The following LRP8 variants were observed in gnomAD, a reference collection of about 807,000 sequenced individuals.
The protein encoded by LRP8 is LDL receptor related protein 8, also known as low-density lipoprotein receptor-related protein 8.
In LRP8, 46 loss-of-function variants were observed where a neutral mutation model predicts 111.6. The ratio of observed to expected loss-of-function variants is 0.41; its 90% CI spans 0.33 to 0.53. The LOEUF is 0.53. Ranked by LOEUF, LRP8 falls within the 20% of genes least tolerant of loss-of-function variation. The pLI, the probability that LRP8 is intolerant of heterozygous loss-of-function variation, is 0.20. For missense variants in LRP8, 959 were observed against 1,297.4 expected (o/e 0.74, Z 4.01); for synonymous variants, 464 against 511.2 (o/e 0.91, Z 1.24).
At chr1:53,304,503 T>C (rs1342786962) in intron 2 of LRP8, 1 of 152,356 alleles carries the variant, frequency 6.6e-6, no homozygotes, top group Non-Finnish European at 1.5e-5. Flanking sequence ...AAGGCCAAGC[T>C]TCTGCTGACT....
chr1:53,316,431 A>G (rs1371651019), intron 2 of LRP8, among the ~76,000 whole-genome samples: 1 of 152,196 alleles, frequency 6.6e-6, no homozygotes, highest in Non-Finnish European at 1.5e-5. Flanking sequence ...AAAAATAAGT[A>G]GGTGTAAAAA....
Position 53,244,143 on chromosome 1 carries a change from C to T in LRP8, c.*2875G>A, listed in dbSNP as rs1645686010. 1 of 152,204 alleles carries T rather than the reference C, an allele frequency of 6.6e-6. No individual in the cohort carries two copies. Among genetic ancestry groups the T allele is most frequent in the Non-Finnish European group, 1.5e-5 (1 of 68,036 alleles). 9.4% of individuals were successfully genotyped at this position (152,204 alleles called of 1,614,324 possible). On this transcript the variant is annotated 3_prime_UTR_variant, in exon 19 of 19. Transcript: ENST00000306052. ...TATCAAGAGTAAATAAGTACAGTTT[C>T]GTTTTCTCTGTTTCTAGAAGGCATT... is the stretch of plus-strand genomic sequence containing the variant.
intron 9 of LRP8, 44 bp from the exon 10 acceptor site, chr1:53,264,440 A>G (rs755420170): frequency 2.9e-5 from 44 of 1,521,002 alleles, no homozygotes; most frequent in African/African-American, 1.5e-4. Context: ...TGTTCCACCC[A>G]TGGGCCCATC....
At chr1:53,304,787 G>A (rs910542917) in intron 2 of LRP8, among the ~76,000 whole-genome samples, 1 of 152,242 alleles carries the variant, frequency 6.6e-6, no homozygotes, top group Non-Finnish European at 1.5e-5. Flanking sequence ...TCCAACCAGA[G>A]CTGGGCAGAA....
intron 15 of LRP8, 34 bp downstream of exon 15, chr1:53,257,183 CTGGCTTCCCTAGGAGCCCTCCCA>C: frequency 6.5e-7 from 1 of 1,546,876 alleles, no homozygotes; most frequent in Non-Finnish European, 8.9e-7. Context: ...TACCCCCTTC[CTGGCTTCCCTAGGAGCCCTCCCA>C]TGTCATGAAA....
chr1:53,288,958 T>C (rs1314521262), intron 3 of LRP8, among the ~76,000 whole-genome samples: 4 of 151,762 alleles, frequency 2.6e-5, no homozygotes, highest in South Asian at 4.2e-4. Context: ...GGCCTCTACC[T>C]CCCCCTGCCT....
At chr1:53,291,774 A>C (rs753026546) in intron 2 of LRP8, 2 of 152,216 alleles carry the variant, frequency 1.3e-5, no homozygotes, top group Non-Finnish European at 2.9e-5. Context: ...ACATTAGATA[A>C]ATGAGTGAGC....
At chr1:53,319,860 G>A (rs1654275279) in intron 2 of LRP8, among the ~76,000 whole-genome samples, 1 of 152,244 alleles carries the variant, frequency 6.6e-6, no homozygotes, top group African/African-American at 2.4e-5. Context: ...GGCAAAGAGG[G>A]ACGCCTGGAA....
intron 3 of LRP8, among the ~76,000 whole-genome samples, chr1:53,284,729 A>T (rs1397667552): frequency 1.3e-5 from 2 of 152,214 alleles, no homozygotes; most frequent in East Asian, 3.8e-4. Context: ...GTGTCCCTAA[A>T]TAGACAGCTC....
chr1:53,280,618 C>T lies in LRP8; in HGVS notation c.465G>A (p.Glu155=). The change falls in exon 4 of 19, where the codon GAG becomes GAA. Residue 155 remains glutamate (E), a synonymous_variant. Coordinates refer to ENST00000306052, the MANE Select transcript of LRP8 (RefSeq NM_004631.5). ...CACAGCCGGCCTCATCCGCTCCACC[C>T]TCGCAGTCCTTCTCCCCGTCGCAGC... ...SWRCDGEKDC[E]GGADEAGCAT... 1 of 1,613,312 alleles carries T rather than the reference C, an allele frequency of 6.2e-7. No homozygotes were observed. The highest frequency in any genetic ancestry group is 8.5e-7 in the Non-Finnish European group (1 of 1,180,040).
In LRP8 at chr1:53,271,056, G is replaced by A. The variant is rs891258894; in HGVS notation, c.1224C>T (p.Asp408=). ...CAGCCTTGCAGTTCTTGGTCAGTAG[G>A]TCCATCTCGTAGCCAGGGTAGCACT... ...KCECYPGYEM[D]LLTKNCKAAA... The change falls in exon 8 of 19, where the codon GAC becomes GAT. Residue 408 remains aspartate, a synonymous_variant. Coordinates refer to ENST00000306052, the MANE Select transcript of LRP8 (RefSeq NM_004631.5). 2 of 1,613,854 alleles carry A rather than the reference G, an allele frequency of 1.2e-6. No homozygotes were observed. The highest frequency in any genetic ancestry group is 2.7e-5 in the African/African-American group (2 of 74,828).
At position 53,276,916 on chromosome 1, in the gene LRP8, GCGCCGCCGCCAT is replaced by G; in HGVS notation, c.647_658del (p.Asp216_Gly219del). ...GCAGACCCAGCGCTCCGGGATGCAG[GCGCCGCCGCCAT>G]CGCCGCCGCAGCGGAACTCGCGGGG... On this transcript the variant is annotated inframe_deletion, in exon 5 of 19. Coordinates refer to ENST00000306052, the MANE Select transcript of LRP8 (RefSeq NM_004631.5). 7.0e-7 allele frequency: 1 copy of G among 1,436,978 alleles called. No homozygotes were observed. The highest frequency in any genetic ancestry group is 9.1e-7 in the Non-Finnish European group (1 of 1,097,442). The allele number at this position is 1,436,978 out of a possible 1,614,324, so 89.0% of individuals were successfully genotyped here.
chr1:53,275,481 G>C lies in LRP8; in HGVS notation c.1006+150C>G, dbSNP rs971967676. ...GTGCTACTAGGACCCCATGGAAAGG[G>C]AGCCAGGTGATTTAGGGGCAAGTGA... On this transcript the variant is annotated intron_variant, in intron 6 of 18. Transcript: ENST00000306052. The surrounding 1 kb of genome is among the most constrained non-coding windows in gnomAD (Gnocchi z 4.4). 9.7e-7 allele frequency: 1 copy of C among 1,029,660 alleles called. No individual in the cohort carries two copies. Among genetic ancestry groups the C allele is most frequent in the Non-Finnish European group, 1.4e-6 (1 of 712,430 alleles). The allele number at this position is 1,029,660 out of a possible 1,614,324, so 63.8% of individuals were successfully genotyped here.
rs1646287957 is a variant in LRP8, at chr1:53,260,457, A to G, written c.2056+7T>C. The G allele has an allele frequency of 6.2e-7, 1 of 1,613,876 alleles. No homozygotes were observed. The highest frequency in any genetic ancestry group is 8.5e-7 in the Non-Finnish European group (1 of 1,179,892). On this transcript the variant is annotated splice_region_variant and intron_variant, in intron 13 of 18. Transcript: ENST00000306052. ...GGACCTGGGACCTAGGACCAGAGAC[A>G]GCTCACCTCTTGGCTGCTTCAGCTC...
chr1:53,302,196 T>C (rs556291802), intron 2 of LRP8, among the ~76,000 whole-genome samples: 1 of 152,298 alleles, frequency 6.6e-6, no homozygotes, highest in East Asian at 1.9e-4. Context: ...GAACTATGTT[T>C]GATCCAGAAG....
At chr1:53,288,755 G>A (rs1045604849) in intron 3 of LRP8, among the ~76,000 whole-genome samples, 11 of 152,128 alleles carry the variant, frequency 7.2e-5, no homozygotes, top group African/African-American at 1.4e-4. Context: ...CTTTTGTCTC[G>A]GGCTCACGCT....
At position 53,258,527 on chromosome 1, in the gene LRP8, GCC is replaced by G. The variant is rs1646196850; in HGVS notation, c.2057-58_2057-57del. 2.0e-6 allele frequency: 3 copies of G among 1,537,282 alleles called. No homozygotes were observed. In the East Asian group the frequency reaches 7.0e-5, roughly 36 times the overall value. On this transcript the variant is annotated intron_variant, in intron 13 of 18. Coordinates refer to ENST00000306052, the MANE Select transcript of LRP8 (RefSeq NM_004631.5). The stretch of plus-strand genomic sequence containing the variant: ...CAGACAGGACATGCCAGGTCTTCCT[GCC>G]TCCTGAGGATGAGGCTTCTCCCACC...
intron 6 of LRP8, chr1:53,272,783 G>A (rs191879889): frequency 6.8e-5 from 42 of 619,920 alleles, no homozygotes; most frequent in East Asian, 6.0e-4. Context: ...TCAGTCGCTC[G>A]GAGCCCTCCC....
At chr1:53,265,347 T>A (rs7526226) in intron 9 of LRP8, among the ~76,000 whole-genome samples, 56,233 of 151,984 alleles carry the variant, frequency 0.37, 11,426 homozygotes, top group East Asian at 0.71. Context: ...GGATGTCCCA[T>A]GGACACCTTG....
Sources: allele counts gnomAD v4.1 joint callset (sites outside exome capture counted in the v4.1 genomes callset), GRCh38; gene constraint gnomAD v4.1.1; non-coding constraint Gnocchi (gnomAD v3.1); transcripts MANE v1.5; gene names NCBI Gene and HGNC (gene_info 2026-07-23, HGNC 2026-07-21).